Variants in PMP22 observed in about 807,000 individuals in gnomAD.
The protein encoded by PMP22 is Charcot-Marie-Tooth neuropathy 1A (greatly reduced nerve conduction velocity, hereditary motor sensory neuropathy Ia).
A neutral mutation model predicts 18.9 loss-of-function variants in PMP22; 2 were observed. The observed-to-expected ratio is 0.11, with a 90% CI of 0.04 to 0.33. The LOEUF (loss-of-function observed/expected upper bound fraction) is 0.33. PMP22 is among the 10% of genes least tolerant of loss of function. The pLI is 1.00. For synonymous variants in PMP22, 95 were observed against 89.2 expected (o/e 1.07, Z -0.37); for missense variants, 169 against 202.2 (o/e 0.84, Z 1.00).
intron 3 of PMP22, among the ~76,000 whole-genome samples, chr17:15,239,925 T>C (rs1045758182): frequency 6.6e-6 from 1 of 152,132 alleles, no homozygotes; most frequent in Non-Finnish European, 1.5e-5. Context: ...TATGTACAAA[T>C]ATGCATACAA....
In PMP22 at chr17:15,230,738, T is replaced by A; in HGVS notation, c.*179A>T. 1.6e-6 allele frequency: 1 copy of A among 634,486 alleles called. No individual in the cohort carries two copies. The highest frequency in any genetic ancestry group is 2.7e-5 in the Admixed American group (1 of 36,510). The allele number at this position is 634,486 out of a possible 1,614,324, so 39.3% of individuals were successfully genotyped here. ...TAAAAAGTGTTATAAATAGGTTTTATAAACCGGAGATATTATATACATCTT... is the reference window on the plus strand; with the variant it reads ...TAAAAAGTGTTATAAATAGGTTTTAAAAACCGGAGATATTATATACATCTT... On this transcript the variant is annotated 3_prime_UTR_variant, in exon 5 of 5. Transcript: ENST00000312280.
At position 15,230,408 on chromosome 17, in the gene PMP22, G is replaced by A. The variant is rs1263132729; in HGVS notation, c.*509C>T. On this transcript the variant is annotated 3_prime_UTR_variant, in exon 5 of 5. Transcript: ENST00000312280. ...TCACACAGAGGTTCGGGCAGCGGCT[G>A]TTTCTGTTGGATGCACTGGGTCACC... is the stretch of plus-strand genomic sequence containing the variant. 1 of 166,676 alleles carries A rather than the reference G, an allele frequency of 6.0e-6. No individual in the cohort carries two copies. Among genetic ancestry groups the A allele is most frequent in the African/African-American group, 2.4e-5 (1 of 41,552 alleles). The allele number at this position is 166,676 out of a possible 1,614,324, so 10.3% of individuals were successfully genotyped here.
At chr17:15,236,926 C>T (rs894120786) in intron 4 of PMP22, among the ~76,000 whole-genome samples, 1 of 152,186 alleles carries the variant, frequency 6.6e-6, no homozygotes, top group African/African-American at 2.4e-5. Flanking sequence ...GGACAGGACA[C>T]TCTCAGGACT....
At chr17:15,239,306 T>A in intron 4 of PMP22, 165 bp downstream of exon 4, 2 of 763,898 alleles carry the variant, frequency 2.6e-6, no homozygotes, top group Non-Finnish European at 4.6e-6. Context: ...CACATACAGG[T>A]ACACACCCAC....
At position 15,247,832 on chromosome 17, in the gene PMP22, G is replaced by A. The variant is rs367898493; in HGVS notation, c.179-8221C>T. 3.3e-5 allele frequency among the ~76,000 whole-genome samples: 5 copies of A among 152,168 alleles called. No homozygotes were observed. The East Asian group carries it at 7.7e-4, about 23-fold the overall frequency. On this transcript the variant is annotated intron_variant, in intron 3 of 4. Transcript: ENST00000312280. ...TGCAAGAGTCAGAAGAGACCTTGGAGAGGCCAAGAGAGAAAAAGCCATGAG... is the reference window on the plus strand; with the variant it reads ...TGCAAGAGTCAGAAGAGACCTTGGAAAGGCCAAGAGAGAAAAAGCCATGAG...
chr17:15,256,796 G>T (rs1017457700), intron 3 of PMP22, among the ~76,000 whole-genome samples: 2 of 151,956 alleles, frequency 1.3e-5, no homozygotes, highest in African/African-American at 4.8e-5. Flanking sequence ...ATTTTTTTCA[G>T]CTTATTGTCT....
chr17:15,253,419 A>G (rs1908535164), intron 3 of PMP22, among the ~76,000 whole-genome samples: 1 of 152,224 alleles, frequency 6.6e-6, no homozygotes, highest in Non-Finnish European at 1.5e-5. Context: ...CGTCACCCAA[A>G]ATAATCACTG....
chr17:15,253,287 C>T (rs573611718), intron 3 of PMP22, among the ~76,000 whole-genome samples: 1 of 152,284 alleles, frequency 6.6e-6, no homozygotes, highest in South Asian at 2.1e-4. Flanking sequence ...ACTTACTACT[C>T]AAAACCAATT....
chr17:15,249,712 A>T (rs1014630739), intron 3 of PMP22, among the ~76,000 whole-genome samples: 1 of 152,112 alleles, frequency 6.6e-6, no homozygotes, highest in Non-Finnish European at 1.5e-5. Context: ...GGAAAGAAAA[A>T]CTGCAATCGT....
intron 3 of PMP22, among the ~76,000 whole-genome samples, chr17:15,240,526 C>A (rs1907233561): frequency 6.6e-6 from 1 of 151,426 alleles, no homozygotes; most frequent in Non-Finnish European, 1.5e-5. Context: ...CTCTGTTGAA[C>A]CCCAAATCTC....
Position 15,255,648 on chromosome 17 carries a change from C to T in PMP22, c.178+3446G>A, listed in dbSNP as rs75794274. Among the ~76,000 whole-genome samples the T allele has an allele frequency of 5.6e-3, 852 of 152,260 alleles. 9 individuals carry two copies. The highest frequency in any genetic ancestry group is 0.019 in the African/African-American group (796 of 41,536). ...GATGTTCTCTTATACACAATCAATCCTAATCCTAACCAGAACACTAGCCAA... is the reference window on the plus strand; with the variant it reads ...GATGTTCTCTTATACACAATCAATCTTAATCCTAACCAGAACACTAGCCAA... On this transcript the variant is annotated intron_variant, in intron 3 of 4. Coordinates refer to ENST00000312280, the MANE Select transcript of PMP22 (RefSeq NM_000304.4).
intron 4 of PMP22, among the ~76,000 whole-genome samples, chr17:15,233,497 A>G: frequency 6.6e-6 from 1 of 152,108 alleles, no homozygotes; most frequent in East Asian, 1.9e-4. Context: ...TTTAACAGTG[A>G]CTGCAACCCC....
chr17:15,262,806 C>T (rs1410645459), intron 1 of PMP22, among the ~76,000 whole-genome samples: 1 of 152,246 alleles, frequency 6.6e-6, no homozygotes, highest in Non-Finnish European at 1.5e-5. Context: ...CCTCCCTTCT[C>T]CCCTGGCCCC....
chr17:15,254,693 C>T (rs756190579), intron 3 of PMP22, among the ~76,000 whole-genome samples: 34 of 152,146 alleles, frequency 2.2e-4, no homozygotes, highest in Non-Finnish European at 3.5e-4. Context: ...CATGGTGGCT[C>T]ACGCTTGTAA....
At chr17:15,259,955 A>G (rs980721295) in intron 2 of PMP22, among the ~76,000 whole-genome samples, 2 of 145,226 alleles carry the variant, frequency 1.4e-5, no homozygotes, top group African/African-American at 5.2e-5. Context: ...AAAAAAAAAA[A>G]GAAAAGAAAA....
At position 15,231,072 on chromosome 17, in the gene PMP22, C is replaced by T. The variant is rs1044810473; in HGVS notation, c.328G>A (p.Val110Met). Residue 110 changes from valine (V) to methionine (M), a missense_variant, in exon 5 of 5, where the codon GTG (valine) becomes ATG (methionine). Val to Met is a conservative substitution (Grantham distance 21). Coordinates refer to ENST00000312280, the MANE Select transcript of PMP22 (RefSeq NM_000304.4). ...GIFQILAGLC[V>M]MSAAAIYTVR... ...GTGTAGATGGCCGCAGCACTCATCA[C>T]GCACAGACCTGGGGAAGGAGAGGGA... 21 of 1,613,728 alleles carry T rather than the reference C, an allele frequency of 1.3e-5. No individual in the cohort carries two copies. Among genetic ancestry groups the T allele is most frequent in the Admixed American group, 3.3e-5 (2 of 60,012 alleles).
chr17:15,242,711 G>C (rs771397329), intron 3 of PMP22, among the ~76,000 whole-genome samples: 18 of 152,106 alleles, frequency 1.2e-4, no homozygotes, highest in Non-Finnish European at 2.2e-4. Context: ...TAACAAATCT[G>C]TCCTAATAGA....
At position 15,265,173 on chromosome 17, in the gene PMP22, C is replaced by T. The variant is rs1417492277; in HGVS notation, c.-54G>A. 1 of 152,170 alleles carries T rather than the reference C, an allele frequency of 6.6e-6. No individual in the cohort carries two copies. The highest frequency in any genetic ancestry group is 1.5e-5 in the Non-Finnish European group (1 of 68,078). 9.4% of individuals were successfully genotyped at this position (152,170 alleles called of 1,614,324 possible). On this transcript the variant is annotated 5_prime_UTR_variant, in exon 1 of 5. Coordinates refer to ENST00000312280, the MANE Select transcript of PMP22 (RefSeq NM_000304.4). ...ACTCACCCGGCCAAACAGCGTAACCCCTTCTTCCAAGCAGATTTCTTTGCA... is the reference window on the plus strand; with the variant it reads ...ACTCACCCGGCCAAACAGCGTAACCTCTTCTTCCAAGCAGATTTCTTTGCA...
intron 4 of PMP22, among the ~76,000 whole-genome samples, chr17:15,235,035 G>A (rs1288385811): frequency 1.3e-5 from 2 of 152,126 alleles, no homozygotes; most frequent in African/African-American, 4.8e-5. Flanking sequence ...GCCCAGGCTG[G>A]TCTTGAACTC....
Sources: gnomAD v4.1 joint callset for allele counts (sites outside exome capture counted in the v4.1 genomes callset) on GRCh38, gnomAD v4.1.1 for gene constraint, MANE v1.5 for transcripts, NCBI Gene and HGNC (gene_info 2026-07-23, HGNC 2026-07-21) for gene names.